ITFG1: variants seen among roughly 807,000 people sequenced by gnomAD.
The protein encoded by ITFG1 is T-cell immunomodulatory protein.
In ITFG1, 34 loss-of-function variants were observed where a neutral mutation model predicts 81.8. The observed-to-expected ratio is 0.42, with a 90% confidence interval of 0.32 to 0.55. The LOEUF (loss-of-function observed/expected upper bound fraction) is 0.55, where lower values mean the gene tolerates loss of function less well. Ranked by LOEUF, ITFG1 falls within the 20% of genes least tolerant of loss-of-function variation. The pLI is 0.17. For synonymous variants in ITFG1, 285 were observed against 270.6 expected, an observed-to-expected ratio of 1.05 and a Z score of -0.52; for missense variants, 672 against 755.4, an observed-to-expected ratio of 0.89 and a Z score of 1.29.
chr16:47,261,648 AT>A (rs1966210558), intron 10 of ITFG1, among the ~76,000 whole-genome samples: 1 of 152,118 alleles, frequency 6.6e-6, no homozygotes, highest in Non-Finnish European at 1.5e-5. Context: ...AAATTTTATT[AT>A]TGTTTAATTT....
chr16:47,397,215 G>A (rs973615664), intron 6 of ITFG1, among the ~76,000 whole-genome samples: 3 of 152,164 alleles, frequency 2.0e-5, no homozygotes, highest in African/African-American at 7.2e-5. Context: ...TTCCACAACT[G>A]TGAAAGGAAC....
chr16:47,348,793 T>C (rs541775303), intron 8 of ITFG1, among the ~76,000 whole-genome samples: 2 of 152,290 alleles, frequency 1.3e-5, no homozygotes, highest in African/African-American at 4.8e-5. Context: ...GGAAAAAATG[T>C]TCAGGACAGC....
At chr16:47,245,987 G>A (rs1035796389) in intron 12 of ITFG1, among the ~76,000 whole-genome samples, 6 of 152,126 alleles carry the variant, frequency 3.9e-5, no homozygotes, top group East Asian at 1.9e-4. Flanking sequence ...ATTATCCTAC[G>A]ATGATAGGAG....
At chr16:47,416,657 C>A (rs1467353786) in intron 6 of ITFG1, among the ~76,000 whole-genome samples, 2 of 152,178 alleles carry the variant, frequency 1.3e-5, no homozygotes, top group Non-Finnish European at 1.5e-5. Flanking sequence ...AGGAGCCTGG[C>A]ATTCCCCCCT....
chr16:47,352,732 C>T (rs1027409308), intron 8 of ITFG1, among the ~76,000 whole-genome samples: 2 of 152,158 alleles, frequency 1.3e-5, no homozygotes, highest in Non-Finnish European at 2.9e-5. Context: ...GAATATAAAT[C>T]ATGCTGCTAT....
At chr16:47,413,206 T>C (rs1247119797) in intron 6 of ITFG1, among the ~76,000 whole-genome samples, 1 of 152,180 alleles carries the variant, frequency 6.6e-6, no homozygotes, top group African/African-American at 2.4e-5. Context: ...GGGCCTATTT[T>C]CAGGATAATT....
At chr16:47,409,385 TATATATATATATATATA>T (rs1297978584) in intron 6 of ITFG1, among the ~76,000 whole-genome samples, 51 of 14,240 alleles carry the variant, frequency 3.6e-3, no homozygotes, top group Middle Eastern at 0.013. Context: ...TATATATATA[TATATATATATATATATA>T]TATTTTTTTT....
intron 5 of ITFG1, among the ~76,000 whole-genome samples, chr16:47,431,428 T>A (rs1969094476): frequency 6.6e-6 from 1 of 152,212 alleles, no homozygotes; most frequent in African/African-American, 2.4e-5. Flanking sequence ...TAATGCCTGA[T>A]GATCTGAGGT....
intron 2 of ITFG1, among the ~76,000 whole-genome samples, chr16:47,456,352 T>C (rs946117458): frequency 6.6e-6 from 1 of 152,148 alleles, no homozygotes. Flanking sequence ...ATTTTAAAAC[T>C]GCAACCCATG....
At chr16:47,430,057 CTTTTTTTTTT>C (rs920966590) in intron 5 of ITFG1, among the ~76,000 whole-genome samples, 1 of 122,016 alleles carries the variant, frequency 8.2e-6, no homozygotes, top group Non-Finnish European at 1.8e-5. Flanking sequence ...TTTTACTTTT[CTTTTTTTTTT>C]TTTTTTTTGA....
intron 2 of ITFG1, among the ~76,000 whole-genome samples, chr16:47,457,084 T>C (rs1358546090): frequency 1.3e-5 from 2 of 152,056 alleles, no homozygotes; most frequent in Non-Finnish European, 2.9e-5. Context: ...CCGAGGCAGG[T>C]GGATCACCTG....
Position 47,218,287 on chromosome 16 carries a change from T to G in ITFG1, c.1453+581A>C, listed in dbSNP as rs978721431. The G allele has an allele frequency of 2.0e-5, 3 of 152,242 alleles. 1 individual carries two copies. The South Asian group carries it at 6.2e-4, about 31-fold the overall frequency. 9.4% of individuals were successfully genotyped at this position (152,242 alleles called of 1,614,324 possible). A position where few individuals can be genotyped will look rare whatever the true frequency, so the allele number is the denominator to read the frequency against. ...CTGGAATTATCACAGTTATATTTACTGTAATTTGGATCTAACCTCAGTCAG... is the reference window on the plus strand; with the variant it reads ...CTGGAATTATCACAGTTATATTTACGGTAATTTGGATCTAACCTCAGTCAG... On this transcript the variant is annotated intron_variant, in intron 14 of 17. Transcript: ENST00000320640.
At chr16:47,298,372 T>C (rs766187885) in intron 10 of ITFG1, among the ~76,000 whole-genome samples, 22 of 152,240 alleles carry the variant, frequency 1.4e-4, no homozygotes, top group Non-Finnish European at 3.1e-4. Flanking sequence ...GGGGATGCCA[T>C]AACCCTTTGC....
intron 4 of ITFG1, among the ~76,000 whole-genome samples, chr16:47,452,233 G>A (rs188531245): frequency 2.0e-5 from 3 of 152,126 alleles, no homozygotes; most frequent in South Asian, 2.1e-4. Flanking sequence ...GAATGATCTC[G>A]ACCTCTACCA....
At chr16:47,251,917 C>T (rs1193416071) in intron 12 of ITFG1, among the ~76,000 whole-genome samples, 1 of 152,120 alleles carries the variant, frequency 6.6e-6, no homozygotes, top group Non-Finnish European at 1.5e-5. Flanking sequence ...CTATGGGTAA[C>T]TAAAACCACA....
At chr16:47,350,086 G>T (rs1214169956) in intron 8 of ITFG1, among the ~76,000 whole-genome samples, 1 of 152,194 alleles carries the variant, frequency 6.6e-6, no homozygotes, top group Non-Finnish European at 1.5e-5. Context: ...GAAATTTATA[G>T]CACTAAATGC....
intron 13 of ITFG1, among the ~76,000 whole-genome samples, chr16:47,232,655 T>C (rs114444170): frequency 0.02 from 3,045 of 152,008 alleles, 101 homozygotes; most frequent in African/African-American, 0.069. Context: ...TTTTTCTTTT[T>C]TCTTTTTTGA....
At chr16:47,191,875 G>A (rs1312086909) in intron 14 of ITFG1, among the ~76,000 whole-genome samples, 2 of 152,130 alleles carry the variant, frequency 1.3e-5, no homozygotes, top group African/African-American at 4.8e-5. Flanking sequence ...GCAGTGATGC[G>A]ATCTTGGCTC....
chr16:47,229,592 T>A (rs141440592), intron 13 of ITFG1, among the ~76,000 whole-genome samples: 2 of 149,370 alleles, frequency 1.3e-5, no homozygotes, highest in African/African-American at 4.9e-5. Flanking sequence ...AGATAACTGC[T>A]GCAGTCAGGC....
Sources: gnomAD v4.1 joint callset for allele counts (sites outside exome capture counted in the v4.1 genomes callset) on GRCh38, gnomAD v4.1.1 for gene constraint, MANE v1.5 for transcripts, NCBI Gene and HGNC (gene_info 2026-07-23, HGNC 2026-07-21) for gene names.